KCNQ5: variants seen among roughly 807,000 people sequenced by gnomAD.
KCNQ5 encodes the protein potassium voltage-gated channel subfamily KQT member 5.
Under a neutral mutation model 98.2 loss-of-function variants are expected in KCNQ5, and 30 were observed. The ratio of observed to expected loss-of-function variants is 0.31; its 90% CI spans 0.23 to 0.41. KCNQ5 has a LOEUF of 0.41. Ranked by LOEUF, KCNQ5 falls within the 10% of genes least tolerant of loss-of-function variation. KCNQ5 has a pLI of 1.00. For missense variants in KCNQ5, 835 were observed against 1,182.5 expected, an observed-to-expected ratio of 0.71 and a Z score of 4.31; for synonymous variants, 458 against 449.4, an observed-to-expected ratio of 1.02 and a Z score of -0.24.
chr6:72,893,179 A>G (rs1415452641), intron 1 of KCNQ5, among the ~76,000 whole-genome samples: 1 of 152,208 alleles, frequency 6.6e-6, no homozygotes, highest in Admixed American at 6.5e-5. Context: ...ACTGCTGGCA[A>G]GCAGTGTGGG....
intron 10 of KCNQ5, among the ~76,000 whole-genome samples, chr6:73,166,763 T>C (rs541673688): frequency 1.1e-4 from 16 of 152,172 alleles, no homozygotes; most frequent in Non-Finnish European, 1.9e-4. Flanking sequence ...CCCCTGCCTC[T>C]CTCCTAACGA....
chr6:72,768,070 G>A (rs1449153096), intron 1 of KCNQ5, among the ~76,000 whole-genome samples: 6 of 152,104 alleles, frequency 3.9e-5, no homozygotes, highest in East Asian at 1.9e-4. Flanking sequence ...GTTCATAATA[G>A]CCTAAAAGTA....
intron 1 of KCNQ5, among the ~76,000 whole-genome samples, chr6:72,788,133 G>A (rs891423829): frequency 7.9e-5 from 12 of 152,142 alleles, no homozygotes; most frequent in African/African-American, 2.9e-4. Flanking sequence ...GAATGAGTGG[G>A]GAAGAAAAGT....
chr6:73,048,754 A>G (rs1177208319), intron 3 of KCNQ5, among the ~76,000 whole-genome samples: 1 of 152,194 alleles, frequency 6.6e-6, no homozygotes, highest in Non-Finnish European at 1.5e-5. Context: ...GCCCTTAGAA[A>G]CATGAAATTT....
chr6:72,774,630 C>A (rs1773072660), intron 1 of KCNQ5, among the ~76,000 whole-genome samples: 1 of 151,780 alleles, frequency 6.6e-6, no homozygotes. Context: ...CACACACACA[C>A]CCTACAGATT....
chr6:72,927,320 T>C (rs1017924576), intron 1 of KCNQ5, among the ~76,000 whole-genome samples: 1 of 152,126 alleles, frequency 6.6e-6, no homozygotes, highest in Non-Finnish European at 1.5e-5. Flanking sequence ...AGCTTCAAAT[T>C]TTTTTCAGAA....
chr6:72,641,457 A>T (rs967530060), intron 1 of KCNQ5, among the ~76,000 whole-genome samples: 1 of 152,182 alleles, frequency 6.6e-6, no homozygotes, highest in Non-Finnish European at 1.5e-5. Context: ...AAACAGGCCT[A>T]CCACTCTGTT....
intron 1 of KCNQ5, among the ~76,000 whole-genome samples, chr6:72,874,581 G>C (rs895200263): frequency 2.0e-5 from 3 of 152,038 alleles, no homozygotes; most frequent in African/African-American, 7.2e-5. Context: ...AAGAAAAAGA[G>C]CCAAAAGGCC....
At chr6:72,871,578 A>G (rs1478752579) in intron 1 of KCNQ5, among the ~76,000 whole-genome samples, 1 of 152,232 alleles carries the variant, frequency 6.6e-6, no homozygotes, top group Non-Finnish European at 1.5e-5. Flanking sequence ...TTGTAGTTGT[A>G]ACAAGCAAAC....
At chr6:72,777,556 T>C (rs1171798095) in intron 1 of KCNQ5, among the ~76,000 whole-genome samples, 2 of 152,152 alleles carry the variant, frequency 1.3e-5, no homozygotes, top group African/African-American at 4.8e-5. Flanking sequence ...ACCTCCACCC[T>C]AGGAAGCAGC....
chr6:72,913,399 G>A (rs1780019312), intron 1 of KCNQ5, among the ~76,000 whole-genome samples: 2 of 152,066 alleles, frequency 1.3e-5, no homozygotes, highest in Admixed American at 1.3e-4. Context: ...CCCTAGAGCA[G>A]TGGTTCCCAT....
chr6:73,024,909 A>G (rs969549099), intron 2 of KCNQ5, among the ~76,000 whole-genome samples: 3 of 152,190 alleles, frequency 2.0e-5, no homozygotes, highest in African/African-American at 7.2e-5. Context: ...TCTCTCCTCA[A>G]TACTCAAAGA....
chr6:73,161,913 T>TTTTA (rs1306892442), intron 10 of KCNQ5, among the ~76,000 whole-genome samples: 5 of 151,948 alleles, frequency 3.3e-5, no homozygotes, highest in African/African-American at 4.8e-5. Flanking sequence ...TTTATTTTAT[T>TTTTA]TTTATTTATT....
rs1292594143 is a variant in KCNQ5 at position 73,108,416 on chromosome 6, T to G, written c.1030-2892T>G. Among the ~76,000 whole-genome samples the G allele has an allele frequency of 2.0e-5, 3 of 152,206 alleles. No homozygotes were observed. The East Asian group carries it at 5.8e-4, about 29-fold the overall frequency. On this transcript the variant is annotated intron_variant, in intron 6 of 13. Coordinates refer to ENST00000370398, the MANE Select transcript of KCNQ5 (RefSeq NM_019842.4). ...CTAGTAAATTCAGTGCAAGAACTAG[T>G]GCTGTTTGACTCACGATATTAACCA... is the stretch of plus-strand genomic sequence containing the variant.
intron 1 of KCNQ5, among the ~76,000 whole-genome samples, chr6:72,624,781 AAG>A (rs2098917234): frequency 6.6e-6 from 1 of 152,256 alleles, no homozygotes; most frequent in Non-Finnish European, 1.5e-5. Context: ...CATTAGCACA[AAG>A]AGGGAATGGA....
intron 1 of KCNQ5, among the ~76,000 whole-genome samples, chr6:72,671,883 C>T (rs1046686558): frequency 1.1e-4 from 16 of 152,060 alleles, no homozygotes; most frequent in African/African-American, 3.4e-4. Flanking sequence ...GTGGCACGAT[C>T]TCGGCTCACT....
intron 1 of KCNQ5, among the ~76,000 whole-genome samples, chr6:73,002,769 CTG>C (rs1562121458): frequency 6.6e-6 from 1 of 152,152 alleles, no homozygotes; most frequent in Non-Finnish European, 1.5e-5. Flanking sequence ...ATGACTGTGA[CTG>C]TGTGCTGATA....
intron 1 of KCNQ5, among the ~76,000 whole-genome samples, chr6:72,882,516 G>T (rs1429154810): frequency 2.6e-5 from 4 of 152,144 alleles, no homozygotes; most frequent in East Asian, 1.9e-4. Context: ...AAATGCAGTG[G>T]AATGAGTGAG....
intron 8 of KCNQ5, among the ~76,000 whole-genome samples, chr6:73,122,952 C>G (rs190593405): frequency 6.6e-6 from 1 of 152,200 alleles, no homozygotes; most frequent in Admixed American, 6.5e-5. Flanking sequence ...TAGTAAGAAA[C>G]AGACTACAAT....
Sources: gnomAD v4.1 joint callset for allele counts (sites outside exome capture counted in the v4.1 genomes callset) on GRCh38, gnomAD v4.1.1 for gene constraint, MANE v1.5 for transcripts, NCBI Gene and HGNC (gene_info 2026-07-23, HGNC 2026-07-21) for gene names.